The following TTC28 variants were observed in gnomAD, a reference collection of about 807,000 sequenced individuals.
TTC28 encodes the protein tetratricopeptide repeat protein 28.
A neutral mutation model predicts 198.0 loss-of-function variants in TTC28; 61 were observed. The ratio of observed to expected loss-of-function variants is 0.31; its 90% CI spans 0.25 to 0.38. The LOEUF is 0.38. Ranked by LOEUF, TTC28 falls within the 10% of genes least tolerant of loss-of-function variation. The pLI, the probability that TTC28 is intolerant of heterozygous loss-of-function variation, is 1.00. For missense variants in TTC28, 2,678 were observed against 3,164.0 expected (o/e 0.85, Z 3.69); for synonymous variants, 1,171 against 1,297.8 (o/e 0.90, Z 2.10).
chr22:28,103,588 G>A (rs957936879), intron 8 of TTC28, among the ~76,000 whole-genome samples: 2 of 152,160 alleles, frequency 1.3e-5, no homozygotes, highest in Non-Finnish European at 2.9e-5. Context: ...CATGAGAAGA[G>A]GCATTTGGTT....
intron 5 of TTC28, among the ~76,000 whole-genome samples, chr22:28,184,359 T>C (rs751828700): frequency 3.3e-5 from 5 of 152,188 alleles, no homozygotes; most frequent in Non-Finnish European, 5.9e-5. Flanking sequence ...TTCCTCATTA[T>C]ATTAATAAAA....
chr22:28,198,931 G>A (rs1265714411), intron 5 of TTC28, among the ~76,000 whole-genome samples: 1 of 151,978 alleles, frequency 6.6e-6, no homozygotes, highest in East Asian at 1.9e-4. Context: ...TGCAAAGTGG[G>A]GTGGGAAACA....
intron 2 of TTC28, among the ~76,000 whole-genome samples, chr22:28,429,015 T>A (rs1194583732): frequency 6.6e-6 from 1 of 152,164 alleles, no homozygotes; most frequent in African/African-American, 2.4e-5. Context: ...AACTGAAGTA[T>A]CCCAAATCTT....
chr22:28,445,380 A>G (rs989041474), intron 2 of TTC28, among the ~76,000 whole-genome samples: 4 of 152,228 alleles, frequency 2.6e-5, no homozygotes, highest in Non-Finnish European at 5.9e-5. Context: ...TAGGTGGTCA[A>G]TAATTTCAGG....
intron 5 of TTC28, among the ~76,000 whole-genome samples, chr22:28,237,761 C>T (rs1929358011): frequency 6.6e-6 from 1 of 152,170 alleles, no homozygotes; most frequent in Non-Finnish European, 1.5e-5. Context: ...TTTCCCTCCA[C>T]CTGAAAAAAT....
intron 1 of TTC28, among the ~76,000 whole-genome samples, chr22:28,647,065 C>T (rs1460622517): frequency 6.6e-6 from 1 of 152,050 alleles, no homozygotes; most frequent in African/African-American, 2.4e-5. Flanking sequence ...ATATAGAACC[C>T]AGAAATAAAG....
At chr22:28,410,915 A>G (rs2047070785) in intron 2 of TTC28, among the ~76,000 whole-genome samples, 1 of 152,190 alleles carries the variant, frequency 6.6e-6, no homozygotes, top group African/African-American at 2.4e-5. Flanking sequence ...AGTTCAATAT[A>G]CAATATTTTT....
intron 6 of TTC28, among the ~76,000 whole-genome samples, chr22:28,161,905 GGGAGGGAGGGAGGGAA>G: frequency 6.9e-6 from 1 of 144,470 alleles, no homozygotes; most frequent in Non-Finnish European, 1.5e-5. Context: ...GAAGGAAGGA[GGGAGGGAGGGAGGGAA>G]GGAGGGAGGG....
At position 28,302,959 on chromosome 22, in the gene TTC28, C is replaced by T. The variant is rs2145798399; in HGVS notation, c.529+3537G>A. Among the ~76,000 whole-genome samples, 2 of 152,286 alleles carry T rather than the reference C, an allele frequency of 1.3e-5. 1 individual carries two copies. The highest frequency in any genetic ancestry group is 4.2e-4 in the South Asian group (2 of 4,816). The stretch of plus-strand genomic sequence containing the variant: ...AATAAAAGGTGAGCCCCAACTTGAC[C>T]CTGCAAGAAAAGCTTATACATTTAA... On this transcript the variant is annotated intron_variant, in intron 3 of 22. Transcript: ENST00000397906.
intron 5 of TTC28, among the ~76,000 whole-genome samples, chr22:28,246,081 G>A (rs73882715): frequency 6.6e-6 from 1 of 152,072 alleles, no homozygotes; most frequent in African/African-American, 2.4e-5. Flanking sequence ...AGCTTTAATG[G>A]TAGAAAAACT....
intron 5 of TTC28, among the ~76,000 whole-genome samples, chr22:28,180,986 G>C (rs1332237941): frequency 6.6e-6 from 1 of 152,172 alleles, no homozygotes. Context: ...AGAAAACAGT[G>C]ATTTGTACAT....
intron 16 of TTC28, chr22:27,997,994 G>T: frequency 6.4e-6 from 1 of 157,118 alleles, no homozygotes. Context: ...AGACCCTCTG[G>T]GCAGGTCCAC....
intron 5 of TTC28, among the ~76,000 whole-genome samples, chr22:28,268,933 C>T (rs946748206): frequency 1.3e-5 from 2 of 152,118 alleles, no homozygotes; most frequent in Non-Finnish European, 2.9e-5. Context: ...TTTTCTATTA[C>T]TTAAAAACTT....
intron 2 of TTC28, among the ~76,000 whole-genome samples, chr22:28,422,542 C>T (rs1456606350): frequency 6.6e-6 from 1 of 151,878 alleles, no homozygotes; most frequent in Non-Finnish European, 1.5e-5. Flanking sequence ...AGGTTCACGC[C>T]ATTCTCCTGC....
At chr22:28,103,591 A>AT (rs1399046123) in intron 8 of TTC28, among the ~76,000 whole-genome samples, 7 of 152,174 alleles carry the variant, frequency 4.6e-5, no homozygotes, top group Non-Finnish European at 1.5e-5. Flanking sequence ...GAGAAGAGGC[A>AT]TTTGGTTTGG....
chr22:28,312,555 T>A (rs543277689), intron 2 of TTC28, among the ~76,000 whole-genome samples: 1 of 152,164 alleles, frequency 6.6e-6, no homozygotes, highest in East Asian at 1.9e-4. Flanking sequence ...AGATTAAGAA[T>A]CTCACTCAAA....
At chr22:28,162,522 T>C (rs1601407648) in intron 6 of TTC28, among the ~76,000 whole-genome samples, 1 of 152,322 alleles carries the variant, frequency 6.6e-6, no homozygotes, top group East Asian at 1.9e-4. Context: ...ATAAATCTGG[T>C]TGCTCTTCTC....
At chr22:28,053,305 G>C (rs1275399369) in intron 12 of TTC28, among the ~76,000 whole-genome samples, 2 of 152,314 alleles carry the variant, frequency 1.3e-5, no homozygotes, top group Non-Finnish European at 1.5e-5. Flanking sequence ...TATTCTGTTG[G>C]TGGTTTATGT....
At chr22:28,074,924 AC>A (rs1223292099) in intron 12 of TTC28, among the ~76,000 whole-genome samples, 1 of 152,102 alleles carries the variant, frequency 6.6e-6, no homozygotes, top group South Asian at 2.1e-4. Flanking sequence ...ACATGGTGAA[AC>A]CCTGTCTCTA....
Sources: gnomAD v4.1 joint callset for allele counts (sites outside exome capture counted in the v4.1 genomes callset) on GRCh38, gnomAD v4.1.1 for gene constraint, MANE v1.5 for transcripts, NCBI Gene and HGNC (gene_info 2026-07-23, HGNC 2026-07-21) for gene names.